The following CNTN5 variants were observed in gnomAD, a reference collection of about 807,000 sequenced individuals.
CNTN5 encodes the protein contactin 5.
In CNTN5, 77 loss-of-function variants were observed where a neutral mutation model predicts 129.1. That is an observed-to-expected ratio of 0.60 (90% confidence interval 0.50 to 0.72). The LOEUF is 0.72. CNTN5 is among the 30% of genes least tolerant of loss of function. The pLI, the probability that CNTN5 is intolerant of heterozygous loss-of-function variation, is 0.00. For synonymous variants in CNTN5, 509 were observed against 465.6 expected, an observed-to-expected ratio of 1.09 and a Z score of -1.20; for missense variants, 1,478 against 1,328.8, an observed-to-expected ratio of 1.11 and a Z score of -1.75.
intron 2 of CNTN5, among the ~76,000 whole-genome samples, chr11:99,481,843 G>T (rs570437832): frequency 6.6e-6 from 1 of 152,268 alleles, no homozygotes; most frequent in South Asian, 2.1e-4. Flanking sequence ...CCATAGTCAA[G>T]ATTCTCTGTA....
At position 99,836,595 on chromosome 11, in the gene CNTN5, G is replaced by A. The variant is rs1049156285; in HGVS notation, c.278-8257G>A. 9.9e-4 allele frequency among the ~76,000 whole-genome samples: 150 copies of A among 152,090 alleles called. 1 individual carries two copies. The highest frequency in any genetic ancestry group is 3.4e-3 in the African/African-American group (140 of 41,494). On this transcript the variant is annotated intron_variant, in intron 4 of 24. Transcript: ENST00000524871. ...CTTTGCTATTGTGAATAGTGCCACA[G>A]TAAACATACGTGTGCATGTGTCTTT...
chr11:99,040,704 TTAG>T (rs1226925432), intron 1 of CNTN5, among the ~76,000 whole-genome samples: 2 of 152,166 alleles, frequency 1.3e-5, no homozygotes, highest in African/African-American at 2.4e-5. Context: ...TTTTTAAATA[TTAG>T]TAGTGTTTCA....
intron 2 of CNTN5, among the ~76,000 whole-genome samples, chr11:99,346,035 A>G (rs1937836946): frequency 6.6e-6 from 1 of 152,222 alleles, no homozygotes; most frequent in Non-Finnish European, 1.5e-5. Context: ...ATGCTAACAT[A>G]ATACTTTTTA....
At position 100,286,083 on chromosome 11, in the gene CNTN5, C is replaced by G. The variant is rs190922296; in HGVS notation, c.2315-11542C>G. Among the ~76,000 whole-genome samples the G allele has an allele frequency of 8.4e-4, 128 of 152,324 alleles. 1 individual carries two copies. Among genetic ancestry groups the G allele is most frequent in the South Asian group, 1.7e-3 (8 of 4,832 alleles). On this transcript the variant is annotated intron_variant, in intron 18 of 24. Transcript: ENST00000524871. ...AACGGCCCAACACGAGATTATATCC[C>G]GCACCTGGCTGGGAGGGTCCTACGC... is the stretch of plus-strand genomic sequence containing the variant.
intron 1 of CNTN5, among the ~76,000 whole-genome samples, chr11:99,261,603 G>A (rs1368854510): frequency 1.3e-5 from 2 of 152,036 alleles, no homozygotes; most frequent in African/African-American, 2.4e-5. Flanking sequence ...AAACAGGGGC[G>A]TTGACACTTG....
intron 1 of CNTN5, among the ~76,000 whole-genome samples, chr11:99,170,373 C>G (rs916621148): frequency 3.3e-5 from 5 of 152,116 alleles, no homozygotes; most frequent in African/African-American, 1.2e-4. Flanking sequence ...CAGCAGCAGG[C>G]TCTTATGACA....
intron 1 of CNTN5, among the ~76,000 whole-genome samples, chr11:99,031,600 T>C (rs1254987931): frequency 2.6e-5 from 4 of 151,644 alleles, no homozygotes; most frequent in Non-Finnish European, 5.9e-5. Flanking sequence ...ACTGAGGAAG[T>C]CATTAAATAA....
intron 2 of CNTN5, among the ~76,000 whole-genome samples, chr11:99,349,432 T>A (rs1938134474): frequency 6.6e-6 from 1 of 152,224 alleles, no homozygotes; most frequent in South Asian, 2.1e-4. Flanking sequence ...ACAGATTTTT[T>A]TCCCCTGGTT....
At chr11:99,098,400 T>A (rs1393098174) in intron 1 of CNTN5, among the ~76,000 whole-genome samples, 2 of 152,048 alleles carry the variant, frequency 1.3e-5, no homozygotes, top group African/African-American at 4.8e-5. Context: ...TGCTTTTTAT[T>A]TCCTCGAGGT....
intron 9 of CNTN5, among the ~76,000 whole-genome samples, chr11:100,029,916 A>G (rs1941623363): frequency 6.6e-6 from 1 of 152,194 alleles, no homozygotes; most frequent in Non-Finnish European, 1.5e-5. Context: ...TCTATTTAAA[A>G]ATGTAGAGTA....
At position 99,761,305 on chromosome 11, in the gene CNTN5, G is replaced by A. The variant is rs181840034; in HGVS notation, c.56-58239G>A. Among the ~76,000 whole-genome samples, 370 of 152,130 alleles carry A rather than the reference G, an allele frequency of 2.4e-3. 5 individuals are homozygous for A. The highest frequency in any genetic ancestry group is 0.019 in the South Asian group (89 of 4,808). On this transcript the variant is annotated intron_variant, in intron 3 of 24. Coordinates refer to ENST00000524871, the MANE Select transcript of CNTN5 (RefSeq NM_014361.4). ...TTATACTTTAAGTTTTAGGGTACGTGTGCACATTGTGCAGGTTTGTTACGT... is the reference window on the plus strand; with the variant it reads ...TTATACTTTAAGTTTTAGGGTACGTATGCACATTGTGCAGGTTTGTTACGT...
chr11:100,070,438 G>A lies in CNTN5; in HGVS notation c.1177G>A (p.Val393Ile), dbSNP rs373783384. Residue 393 changes from valine to isoleucine, a missense_variant, in exon 11 of 25, where the codon GTA (valine) becomes ATA (isoleucine). Transcript: ENST00000524871. ...CATACTTACAGCCTACCCACACTGG[G>A]TAGAAAAACTGAATGATACTCAGTT... ...QLQVYTYPHW[V>I]EKLNDTQLDS... 8 of 1,611,928 alleles carry A rather than the reference G, an allele frequency of 5.0e-6. No individual in the cohort carries two copies. The highest frequency in any genetic ancestry group is 1.7e-5 in the Admixed American group (1 of 59,770).
intron 3 of CNTN5, among the ~76,000 whole-genome samples, chr11:99,745,817 A>G (rs1944037481): frequency 6.6e-6 from 1 of 152,088 alleles, no homozygotes; most frequent in African/African-American, 2.4e-5. Flanking sequence ...AAAGATGGGC[A>G]CTGATTCTAA....
intron 1 of CNTN5, among the ~76,000 whole-genome samples, chr11:99,063,874 C>G (rs1289029558): frequency 6.6e-6 from 1 of 152,016 alleles, no homozygotes; most frequent in Non-Finnish European, 1.5e-5. Flanking sequence ...CCTCTACTGG[C>G]AACATATTAC....
At chr11:100,270,727 C>A (rs184847621) in intron 17 of CNTN5, among the ~76,000 whole-genome samples, 1 of 152,148 alleles carries the variant, frequency 6.6e-6, no homozygotes, top group Non-Finnish European at 1.5e-5. Flanking sequence ...ACTGGGAGAG[C>A]AAACTGCTCA....
At position 100,109,480 on chromosome 11, in the gene CNTN5, T is replaced by G. The variant is rs1213590623; in HGVS notation, c.1580+35186T>G. ...AAACAAGGAATCAATCACTGGATGA[T>G]AGTATTTCAGGCATTCCTGAGGTAC... On this transcript the variant is annotated intron_variant, in intron 13 of 24. Transcript: ENST00000524871. Among the ~76,000 whole-genome samples the G allele has an allele frequency of 2.0e-5, 3 of 152,284 alleles. No homozygotes were observed. The East Asian group carries it at 5.8e-4, about 29-fold the overall frequency.
chr11:100,007,787 CT>C (rs565795248), intron 9 of CNTN5, among the ~76,000 whole-genome samples: 8,591 of 148,724 alleles, frequency 0.058, 278 homozygotes, highest in Non-Finnish European at 0.078. Flanking sequence ...CCTTCAAAAA[CT>C]TTTTTTTTTT....
chr11:99,724,541 G>A (rs758805906), intron 3 of CNTN5, among the ~76,000 whole-genome samples: 1 of 152,128 alleles, frequency 6.6e-6, no homozygotes, highest in Non-Finnish European at 1.5e-5. Flanking sequence ...AAAATCCTGT[G>A]AGGACAGGTA....
At chr11:99,901,578 C>A (rs527666826) in intron 6 of CNTN5, among the ~76,000 whole-genome samples, 1 of 152,204 alleles carries the variant, frequency 6.6e-6, no homozygotes, top group East Asian at 1.9e-4. Context: ...CAGGCACGAG[C>A]CACCATGCCT....
Sources: allele counts gnomAD v4.1 joint callset (sites outside exome capture counted in the v4.1 genomes callset), GRCh38; gene constraint gnomAD v4.1.1; transcripts MANE v1.5; gene names NCBI Gene and HGNC (gene_info 2026-07-23, HGNC 2026-07-21).